PHYHIP: variants seen among roughly 807,000 people sequenced by gnomAD.
PHYHIP encodes the protein phytanoyl-CoA hydroxylase-interacting protein.
Under a neutral mutation model 26.1 loss-of-function variants are expected in PHYHIP, and 7 were observed. That is an observed-to-expected ratio of 0.27 (90% CI 0.15 to 0.50). PHYHIP has a LOEUF of 0.50. Ranked by LOEUF, PHYHIP falls within the 20% of genes least tolerant of loss-of-function variation. PHYHIP has a pLI of 0.98. For synonymous variants in PHYHIP, 206 were observed against 183.4 expected, an observed-to-expected ratio of 1.12 and a Z score of -1.00; for missense variants, 232 against 454.7, an observed-to-expected ratio of 0.51 and a Z score of 4.45.
At position 22,221,947 on chromosome 8, in the gene PHYHIP, G is replaced by A. The variant is rs2131919753; in HGVS notation, c.459-60C>T. 1 of 1,398,818 alleles carries A rather than the reference G, an allele frequency of 7.1e-7. No homozygotes were observed. Among genetic ancestry groups the A allele is most frequent in the South Asian group, 1.4e-5 (1 of 70,046 alleles). 86.7% of individuals were successfully genotyped at this position (1,398,818 alleles called of 1,614,324 possible). On this transcript the variant is annotated intron_variant, in intron 4 of 4. Coordinates refer to ENST00000454243, the MANE Select transcript of PHYHIP (RefSeq NM_014759.5). The surrounding 1 kb of genome is among the most constrained non-coding windows in gnomAD (Gnocchi z 7.9). ...GAAGATGTGGCTGGTGAGCCGGGCT[G>A]AGGCTTGGCTGCTGCGTGTGGTCGA...
Position 22,221,970 on chromosome 8 carries a change from C to A in PHYHIP, c.459-83G>T, listed in dbSNP as rs1448194481. 1.6e-6 allele frequency: 2 copies of A among 1,263,060 alleles called. No individual in the cohort carries two copies. Among genetic ancestry groups the A allele is most frequent in the South Asian group, 1.5e-5 (1 of 64,586 alleles). The allele number at this position is 1,263,060 out of a possible 1,614,324, so 78.2% of individuals were successfully genotyped here. On this transcript the variant is annotated intron_variant, in intron 4 of 4. Transcript: ENST00000454243. The surrounding 1 kb of genome is among the most constrained non-coding windows in gnomAD (Gnocchi z 7.9). ...CTGAGGCTTGGCTGCTGCGTGTGGT[C>A]GAGGAGGGAGGAAGCCAGCCCAGCT...
intron 1 of PHYHIP, among the ~76,000 whole-genome samples, chr8:22,229,371 C>T (rs1051350401): frequency 1.3e-5 from 2 of 152,172 alleles, no homozygotes; most frequent in African/African-American, 4.8e-5. Flanking sequence ...TTTCCTCCTT[C>T]CATCGTTTCC....
intron 1 of PHYHIP, among the ~76,000 whole-genome samples, chr8:22,231,563 G>T (rs1035436873): frequency 6.6e-6 from 1 of 152,168 alleles, no homozygotes; most frequent in African/African-American, 2.4e-5. Context: ...GTCCCTGTTG[G>T]CATCGCTGAC....
chr8:22,228,359 C>A lies in PHYHIP; in HGVS notation c.-2G>T. 6.3e-7 allele frequency: 1 copy of A among 1,585,378 alleles called. No individual in the cohort carries two copies. Among genetic ancestry groups the A allele is most frequent in the Non-Finnish European group, 8.6e-7 (1 of 1,165,490 alleles). On this transcript the variant is annotated 5_prime_UTR_variant, in exon 2 of 5. Coordinates refer to ENST00000454243, the MANE Select transcript of PHYHIP (RefSeq NM_014759.5). ...GTGGGGCGTGGACAGCAGCTCCATGCTCCCGTCAGGGTTGTCTCCTGTGGG... is the reference window on the plus strand; with the variant it reads ...GTGGGGCGTGGACAGCAGCTCCATGATCCCGTCAGGGTTGTCTCCTGTGGG...
intron 2 of PHYHIP, chr8:22,227,710 G>A (rs1829778854): frequency 4.4e-6 from 2 of 456,796 alleles, no homozygotes; most frequent in South Asian, 1.5e-5. Context: ...GCAGGTGAGG[G>A]GCCCGAGAGG....
At chr8:22,222,282 C>T (rs1829647026) in intron 4 of PHYHIP, among the ~76,000 whole-genome samples, 1 of 152,120 alleles carries the variant, frequency 6.6e-6, no homozygotes, top group Non-Finnish European at 1.5e-5. Context: ...CTATGCAGGA[C>T]TCTTCCCTCT....
rs1010433039 is a variant in PHYHIP, at chr8:22,221,649, G to T, written c.697C>A (p.His233Asn). Residue 233 changes from histidine (H) to asparagine (N), a missense_variant, in exon 5 of 5, where the codon CAC becomes AAC. Transcript: ENST00000454243. This position sits in a 1 kb window ranked among gnomAD's most constrained non-coding sequence, Gnocchi z 7.9. Reference protein sequence around the residue: ...ADFYCMYTAYHYAILVLAPKG... With the variant: ...ADFYCMYTAYNYAILVLAPKG... The stretch of plus-strand genomic sequence containing the variant: ...GGCGCCAGCACCAGGATGGCGTAGT[G>T]GTAGGCCGTGTACATGCAGTAGAAG... The T allele has an allele frequency of 6.2e-7, 1 of 1,613,122 alleles. No homozygotes were observed.
At chr8:22,225,159 G>A (rs1318371672) in intron 3 of PHYHIP, among the ~76,000 whole-genome samples, 1 of 152,128 alleles carries the variant, frequency 6.6e-6, no homozygotes, top group Non-Finnish European at 1.5e-5. Flanking sequence ...AGGAGCAAGA[G>A]GCCTCCAGAG....
Position 22,226,126 on chromosome 8 carries a change from CA to C in PHYHIP, c.340+724del, listed in dbSNP as rs141699157. 3.4e-3 allele frequency among the ~76,000 whole-genome samples: 514 copies of C among 152,266 alleles called. 2 individuals are homozygous for C. Among genetic ancestry groups the C allele is most frequent in the African/African-American group, 0.012 (485 of 41,538 alleles). ...TAAGAGAGTTTGCGGGGCCATTGAC[CA>C]GGGGCCATTTTCCCAGGCTACGTGA... On this transcript the variant is annotated intron_variant, in intron 3 of 4. Coordinates refer to ENST00000454243, the MANE Select transcript of PHYHIP (RefSeq NM_014759.5).
intron 2 of PHYHIP, chr8:22,227,619 C>A: frequency 2.2e-6 from 1 of 456,402 alleles, no homozygotes; most frequent in Non-Finnish European, 4.4e-6. Context: ...CACCCCCACA[C>A]TGGCTTTTAA....
chr8:22,227,214 T>C (rs537562909), intron 2 of PHYHIP, among the ~76,000 whole-genome samples, 189 bp from the exon 3 acceptor site: 123 of 152,292 alleles, frequency 8.1e-4, no homozygotes, highest in African/African-American at 2.8e-3. Context: ...CTCCACAGCC[T>C]TGGCCCCTCC....
At chr8:22,231,453 T>G (rs1829863778) in intron 1 of PHYHIP, among the ~76,000 whole-genome samples, 1 of 152,114 alleles carries the variant, frequency 6.6e-6, no homozygotes, top group Admixed American at 6.5e-5. Context: ...TCCAGCCAAC[T>G]CGCGAGCGCG....
At position 22,221,977 on chromosome 8, in the gene PHYHIP, G is replaced by A; in HGVS notation, c.459-90C>T. ...TTGGCTGCTGCGTGTGGTCGAGGAG[G>A]GAGGAAGCCAGCCCAGCTCCCAGCC... On this transcript the variant is annotated intron_variant, in intron 4 of 4. Coordinates refer to ENST00000454243, the MANE Select transcript of PHYHIP (RefSeq NM_014759.5). This position sits in a 1 kb window ranked among gnomAD's most constrained non-coding sequence, Gnocchi z 7.9. 8.5e-7 allele frequency: 1 copy of A among 1,172,474 alleles called. No individual in the cohort carries two copies. Among genetic ancestry groups the A allele is most frequent in the Non-Finnish European group, 1.2e-6 (1 of 858,404 alleles). 72.6% of individuals were successfully genotyped at this position (1,172,474 alleles called of 1,614,324 possible). A position where few individuals can be genotyped will look rare whatever the true frequency, so the allele number is the denominator to read the frequency against.
intron 1 of PHYHIP, among the ~76,000 whole-genome samples, chr8:22,230,021 A>G (rs1318613484): frequency 1.3e-5 from 2 of 152,158 alleles, no homozygotes; most frequent in African/African-American, 4.8e-5. Context: ...TCCTATGGTA[A>G]ATAAGCATGG....
chr8:22,228,515 T>C (rs992137719), intron 1 of PHYHIP, 129 bp from the exon 2 acceptor site: 1 of 603,084 alleles, frequency 1.7e-6, no homozygotes, highest in Middle Eastern at 4.4e-4. Flanking sequence ...ATGAACCAGA[T>C]GGGAAAGACT....
rs752616638 is a variant in PHYHIP at position 22,221,445 on chromosome 8, C to T, written c.901G>A (p.Glu301Lys). ...PVDLSLGTLG[E>K]ISGHQLMSLS... ...CTCATGAGCTGGTGCCCACTGATCT[C>T]CCCCAGGGTGCCCAGGGACAGGTCG... The change falls in exon 5 of 5, where the codon GAG becomes AAG. Residue 301 changes from glutamate to lysine, a missense_variant. By Grantham distance (56) the Glu-to-Lys change is moderately conservative. Coordinates refer to ENST00000454243, the MANE Select transcript of PHYHIP (RefSeq NM_014759.5). The surrounding 1 kb of genome is among the most constrained non-coding windows in gnomAD (Gnocchi z 7.9). The T allele has an allele frequency of 6.2e-7, 1 of 1,614,096 alleles. No individual in the cohort carries two copies. The highest frequency in any genetic ancestry group is 1.1e-5 in the South Asian group (1 of 91,072).
chr8:22,226,730 G>A (rs554772397), intron 3 of PHYHIP, 121 bp downstream of exon 3: 17 of 920,468 alleles, frequency 1.8e-5, no homozygotes, highest in Middle Eastern at 2.7e-4. Flanking sequence ...GCCCAAGCAC[G>A]CTGCCTGGTG....
intron 1 of PHYHIP, chr8:22,228,624 C>T: frequency 3.0e-6 from 1 of 330,724 alleles, no homozygotes; most frequent in Non-Finnish European, 5.5e-6. Context: ...GCAGACGGCA[C>T]CTGACAGGTG....
chr8:22,230,897 G>T (rs1279171793), intron 1 of PHYHIP, among the ~76,000 whole-genome samples: 1 of 151,900 alleles, frequency 6.6e-6, no homozygotes, highest in Non-Finnish European at 1.5e-5. Flanking sequence ...GGGAAAAGAG[G>T]ATGCCACAGG....
Sources: allele counts gnomAD v4.1 joint callset (sites outside exome capture counted in the v4.1 genomes callset), GRCh38; gene constraint gnomAD v4.1.1; non-coding constraint Gnocchi (gnomAD v3.1); transcripts MANE v1.5; gene names NCBI Gene and HGNC (gene_info 2026-07-23, HGNC 2026-07-21).